Variants in RBFOX1 observed in about 807,000 individuals in gnomAD.
RBFOX1 encodes RNA binding protein fox-1 homolog 1.
A neutral mutation model predicts 57.7 loss-of-function variants in RBFOX1; 8 were observed. That is an observed-to-expected ratio of 0.14 (90% CI 0.08 to 0.25). The LOEUF is 0.25. Among genes scored for constraint, RBFOX1 ranks in the 10% least tolerant of loss-of-function variants. The probability of loss-of-function intolerance (pLI) is 1.00; values close to 1 mark genes in which losing one functional copy is unlikely to be tolerated. For missense variants in RBFOX1, 611 were observed against 548.5 expected (o/e 1.11, Z -1.14); for synonymous variants, 326 against 222.4 (o/e 1.47, Z -4.15).
chr16:6,332,919 A>G (rs955195212), intron 2 of RBFOX1, among the ~76,000 whole-genome samples: 7 of 152,204 alleles, frequency 4.6e-5, no homozygotes, highest in African/African-American at 1.7e-4. Context: ...TATTAGCTAC[A>G]CCTTACAGAA....
At chr16:5,813,885 G>C (rs1445215569) in intron 3 of RBFOX1, among the ~76,000 whole-genome samples, 1 of 152,170 alleles carries the variant, frequency 6.6e-6, no homozygotes, top group African/African-American at 2.4e-5. Flanking sequence ...CTGCTGACTT[G>C]GGACCCTGGA....
chr16:6,877,938 G>C (rs1161418980), intron 3 of RBFOX1, among the ~76,000 whole-genome samples: 1 of 152,118 alleles, frequency 6.6e-6, no homozygotes, highest in African/African-American at 2.4e-5. Flanking sequence ...CATACACAGA[G>C]TCTTGGATTA....
At chr16:6,646,144 G>T (rs1401309384) in intron 2 of RBFOX1, among the ~76,000 whole-genome samples, 1 of 152,124 alleles carries the variant, frequency 6.6e-6, no homozygotes, top group Non-Finnish European at 1.5e-5. Flanking sequence ...GTCGAGTGGG[G>T]CTGAAGTACT....
intron 2 of RBFOX1, among the ~76,000 whole-genome samples, chr16:6,627,260 G>C (rs1033303219): frequency 6.6e-6 from 1 of 152,208 alleles, no homozygotes; most frequent in Non-Finnish European, 1.5e-5. Context: ...CTGGCCTCTA[G>C]AAGGCGGGGC....
At chr16:6,684,449 A>G (rs1394534805) in intron 3 of RBFOX1, among the ~76,000 whole-genome samples, 2 of 152,224 alleles carry the variant, frequency 1.3e-5, no homozygotes, top group African/African-American at 4.8e-5. Flanking sequence ...GATGCAATCA[A>G]TTGCTGGCCA....
At chr16:6,768,710 T>C (rs1359778363) in intron 3 of RBFOX1, among the ~76,000 whole-genome samples, 1 of 150,460 alleles carries the variant, frequency 6.6e-6, no homozygotes, top group African/African-American at 2.4e-5. Flanking sequence ...TATATATATG[T>C]ATATATGATA....
At chr16:5,884,393 G>A (rs912587787) in intron 4 of RBFOX1, among the ~76,000 whole-genome samples, 2 of 152,058 alleles carry the variant, frequency 1.3e-5, no homozygotes, top group African/African-American at 4.8e-5. Context: ...TTTGCCTGGT[G>A]CCTATGGTAG....
chr16:5,650,062 A>C (rs2049184327), intron 3 of RBFOX1, among the ~76,000 whole-genome samples: 2 of 152,176 alleles, frequency 1.3e-5, no homozygotes, highest in South Asian at 4.1e-4. Context: ...TTAAGCAAAC[A>C]CAAGTTTTGA....
intron 2 of RBFOX1, among the ~76,000 whole-genome samples, chr16:6,364,795 T>G (rs1460197972): frequency 3.9e-5 from 6 of 152,202 alleles, no homozygotes; most frequent in African/African-American, 1.4e-4. Context: ...AAGTTGACCT[T>G]TTGTTTCCCT....
At chr16:6,627,742 G>A (rs763134080) in intron 2 of RBFOX1, among the ~76,000 whole-genome samples, 5 of 152,200 alleles carry the variant, frequency 3.3e-5, no homozygotes, top group Admixed American at 6.5e-5. Context: ...TGAGGCCGGA[G>A]GGAGGGTGGA....
At chr16:6,274,556 G>A (rs1337386682) in intron 1 of RBFOX1, among the ~76,000 whole-genome samples, 6 of 152,164 alleles carry the variant, frequency 3.9e-5, no homozygotes, top group African/African-American at 7.2e-5. Context: ...GGAAATGGGT[G>A]TGGTTATGAA....
At chr16:6,076,963 A>G (rs1475641415) in intron 1 of RBFOX1, among the ~76,000 whole-genome samples, 1 of 152,224 alleles carries the variant, frequency 6.6e-6, no homozygotes, top group African/African-American at 2.4e-5. Flanking sequence ...CAGCAGTGCT[A>G]GAATCTGGAG....
intron 1 of RBFOX1, among the ~76,000 whole-genome samples, chr16:6,310,963 A>C (rs953950705): frequency 1.3e-5 from 2 of 152,054 alleles, no homozygotes; most frequent in African/African-American, 2.4e-5. Flanking sequence ...GCACAGGCAC[A>C]GTGTTATCAG....
intron 4 of RBFOX1, among the ~76,000 whole-genome samples, chr16:7,168,980 C>G (rs59673378): frequency 6.6e-6 from 1 of 152,038 alleles, no homozygotes; most frequent in African/African-American, 2.4e-5. Context: ...AATTCTGATA[C>G]TCTAATTAAG....
intron 4 of RBFOX1, among the ~76,000 whole-genome samples, chr16:7,084,368 A>G (rs912583775): frequency 6.6e-5 from 10 of 152,276 alleles, no homozygotes; most frequent in South Asian, 2.1e-4. Context: ...GGATAGAAAA[A>G]AGCATATTAA....
intron 3 of RBFOX1, among the ~76,000 whole-genome samples, chr16:5,792,228 C>T (rs2054726678): frequency 6.6e-6 from 1 of 152,194 alleles, no homozygotes; most frequent in Non-Finnish European, 1.5e-5. Flanking sequence ...AATGGCTTCT[C>T]TGTAAATGGT....
At chr16:5,550,636 G>C (rs2045424714) in intron 2 of RBFOX1, among the ~76,000 whole-genome samples, 2 of 152,278 alleles carry the variant, frequency 1.3e-5, no homozygotes, top group South Asian at 4.2e-4. Flanking sequence ...TGAGTACCTA[G>C]TATGTATCAG....
intron 2 of RBFOX1, among the ~76,000 whole-genome samples, chr16:6,612,482 C>G (rs1245288463): frequency 1.3e-5 from 2 of 152,156 alleles, no homozygotes; most frequent in African/African-American, 2.4e-5. Flanking sequence ...ACAGCACAAA[C>G]TACTTTTACA....
chr16:7,176,569 C>A (rs1430284126), intron 4 of RBFOX1, among the ~76,000 whole-genome samples: 3 of 152,044 alleles, frequency 2.0e-5, no homozygotes, highest in Non-Finnish European at 4.4e-5. Context: ...ATTTGCATAT[C>A]GATTATGGCT....
Sources: allele counts gnomAD v4.1 joint callset (sites outside exome capture counted in the v4.1 genomes callset), GRCh38; gene constraint gnomAD v4.1.1; transcripts MANE v1.5; gene names NCBI Gene and HGNC (gene_info 2026-07-23, HGNC 2026-07-21).